Variants in UGT2A1 observed in about 807,000 individuals in gnomAD.
The protein encoded by UGT2A1 is UDP glucuronosyltransferase family 2 member A1 complex locus.
In UGT2A1, 61 loss-of-function variants were observed where a neutral mutation model predicts 45.4. The observed-to-expected ratio is 1.34, with a 90% CI of 1.09 to 1.66. The LOEUF is 1.66. Ranked by LOEUF, UGT2A1 falls within the 40% of genes most tolerant of loss-of-function variation. The pLI, the probability that UGT2A1 is intolerant of heterozygous loss-of-function variation, is 0.00. For synonymous variants in UGT2A1, 229 were observed against 196.2 expected (o/e 1.17, Z -1.40); for missense variants, 649 against 574.3 (o/e 1.13, Z -1.33).
At position 69,611,297 on chromosome 4, in the gene UGT2A1, T is replaced by A. The variant is rs769087413; in HGVS notation, c.848-11903A>T. Among the ~76,000 whole-genome samples the A allele has an allele frequency of 7.3e-5, 11 of 150,550 alleles. 1 individual carries two copies. Among genetic ancestry groups the A allele is most frequent in the African/African-American group, 2.7e-4 (11 of 40,666 alleles). The stretch of plus-strand genomic sequence containing the variant: ...GTAGGTCACCTCCAAGTCCAGCTAT[T>A]CTTAATGCTATTAATTTCTGCCAAA... On this transcript the variant is annotated intron_variant, in intron 3 of 6. Coordinates refer to ENST00000286604, the MANE Select transcript of UGT2A1 (RefSeq NM_001252275.3).
chr4:69,648,039 C>A (rs1054533095), intron 1 of UGT2A1, among the ~76,000 whole-genome samples: 3 of 151,624 alleles, frequency 2.0e-5, no homozygotes, highest in African/African-American at 7.3e-5. Context: ...TCAGATAGGA[C>A]CAAAACTCAT....
chr4:69,633,604 A>T lies in UGT2A1; in HGVS notation c.847+2087T>A, dbSNP rs564607161. On this transcript the variant is annotated intron_variant, in intron 3 of 6. Coordinates refer to ENST00000286604, the MANE Select transcript of UGT2A1 (RefSeq NM_001252275.3). ...GTGATACATTAATTCAATAGACTCC[A>T]TATAGCTATAAGAATGAGCACAGCA... Among the ~76,000 whole-genome samples the T allele has an allele frequency of 9.8e-5, 15 of 152,332 alleles. No homozygotes were observed. In the South Asian group the frequency reaches 3.1e-3, roughly 32 times the overall value.
chr4:69,640,852 G>T (rs1490435419), intron 2 of UGT2A1, among the ~76,000 whole-genome samples: 1 of 151,636 alleles, frequency 6.6e-6, no homozygotes, highest in African/African-American at 2.4e-5. Flanking sequence ...TTAGATTTTT[G>T]AAACAAGGCA....
intron 3 of UGT2A1, among the ~76,000 whole-genome samples, chr4:69,633,240 C>T (rs555787497): frequency 1.4e-4 from 22 of 152,154 alleles, no homozygotes; most frequent in South Asian, 8.3e-4. Context: ...CTTTTTATCA[C>T]ATAAAAATTA....
chr4:69,629,101 A>T (rs563142500), intron 3 of UGT2A1, among the ~76,000 whole-genome samples: 37 of 151,978 alleles, frequency 2.4e-4, no homozygotes, highest in African/African-American at 8.9e-4. Context: ...AAACATTGCT[A>T]TTCCCTCTCC....
chr4:69,642,417 A>G (rs1173629146), intron 2 of UGT2A1, among the ~76,000 whole-genome samples: 1 of 151,776 alleles, frequency 6.6e-6, no homozygotes, highest in Non-Finnish European at 1.5e-5. Context: ...AGGAGAGAGG[A>G]AAGCAAAGGA....
At chr4:69,611,557 C>T (rs1034951427) in intron 3 of UGT2A1, among the ~76,000 whole-genome samples, 1 of 151,638 alleles carries the variant, frequency 6.6e-6, no homozygotes, top group Non-Finnish European at 1.5e-5. Context: ...TTTTTTTCTC[C>T]AAATCTGTGT....
rs1479578632 is a variant in UGT2A1 at position 69,605,037 on chromosome 4, C to T, written c.848-5643G>A. 1.5e-5 allele frequency among the ~76,000 whole-genome samples: 2 copies of T among 136,054 alleles called. 1 individual carries two copies. The highest frequency in any genetic ancestry group is 3.1e-5 in the Non-Finnish European group (2 of 64,164). 89.3% of individuals were successfully genotyped at this position (136,054 alleles called of 152,430 possible). ...TGAGACAGAAAGATAACAAGTATAT[C>T]CAGGAATTGAACTCAGCTCTGCACC... On this transcript the variant is annotated intron_variant, in intron 3 of 6. Transcript: ENST00000286604.
intron 4 of UGT2A1, among the ~76,000 whole-genome samples, chr4:69,599,020 T>C (rs1323766571): frequency 6.6e-6 from 1 of 152,124 alleles, no homozygotes; most frequent in East Asian, 1.9e-4. Context: ...CACTGATATT[T>C]GTAACACACA....
intron 3 of UGT2A1, among the ~76,000 whole-genome samples, chr4:69,633,430 C>T (rs1292105195): frequency 6.6e-6 from 1 of 152,158 alleles, no homozygotes; most frequent in African/African-American, 2.4e-5. Flanking sequence ...TATGACCTGT[C>T]AATTCCACTC....
At chr4:69,611,549 T>A (rs1381409230) in intron 3 of UGT2A1, among the ~76,000 whole-genome samples, 1 of 152,106 alleles carries the variant, frequency 6.6e-6, no homozygotes, top group Non-Finnish European at 1.5e-5. Context: ...GCTCAGAGTT[T>A]TTTTCTCCAA....
At chr4:69,636,744 T>G (rs1721731781) in intron 2 of UGT2A1, among the ~76,000 whole-genome samples, 1 of 152,158 alleles carries the variant, frequency 6.6e-6, no homozygotes, top group Non-Finnish European at 1.5e-5. Context: ...AGTAGTTTGG[T>G]GTAAATAACA....
At chr4:69,616,763 C>T (rs990982853) in intron 3 of UGT2A1, among the ~76,000 whole-genome samples, 7 of 151,154 alleles carry the variant, frequency 4.6e-5, no homozygotes, top group African/African-American at 1.7e-4. Context: ...TTAGTTGGAA[C>T]TGTAGCTTCT....
At chr4:69,592,308 T>G (rs191666818) in intron 6 of UGT2A1, among the ~76,000 whole-genome samples, 17 of 152,154 alleles carry the variant, frequency 1.1e-4, no homozygotes, top group Admixed American at 2.0e-4. Flanking sequence ...AAAGCAAGTT[T>G]AAAGCACCCA....
intron 3 of UGT2A1, among the ~76,000 whole-genome samples, chr4:69,614,383 G>A (rs968014108): frequency 1.3e-4 from 20 of 151,864 alleles, no homozygotes; most frequent in African/African-American, 2.4e-4. Context: ...GCATTAAAAC[G>A]TCTATAGCAC....
chr4:69,594,351 T>G (rs1412992315), intron 6 of UGT2A1, 126 bp downstream of exon 6: 9 of 1,267,644 alleles, frequency 7.1e-6, no homozygotes, highest in African/African-American at 1.5e-5. Context: ...TAAAATAGTT[T>G]TTATATTGGT....
At chr4:69,625,100 T>C (rs1720967453) in intron 3 of UGT2A1, among the ~76,000 whole-genome samples, 1 of 151,242 alleles carries the variant, frequency 6.6e-6, no homozygotes, top group South Asian at 2.1e-4. Context: ...TTTATTTTAG[T>C]ACTTTTTAGG....
intron 2 of UGT2A1, among the ~76,000 whole-genome samples, chr4:69,637,160 AAAAAAGAAACTACGGTT>A (rs1480470405): frequency 6.6e-6 from 1 of 152,160 alleles, no homozygotes; most frequent in Non-Finnish European, 1.5e-5. Flanking sequence ...GAAAGCCAGA[AAAAAAGAAACTACGGTT>A]AAATTATGCC....
At chr4:69,610,613 C>G (rs1029762523) in intron 3 of UGT2A1, among the ~76,000 whole-genome samples, 1 of 152,060 alleles carries the variant, frequency 6.6e-6, no homozygotes. Flanking sequence ...GAAGATAAGG[C>G]CTTTAGAGAT....
Sources: allele counts gnomAD v4.1 joint callset (sites outside exome capture counted in the v4.1 genomes callset), GRCh38; gene constraint gnomAD v4.1.1; transcripts MANE v1.5; gene names NCBI Gene and HGNC (gene_info 2026-07-23, HGNC 2026-07-21).